CEP57L1: variants seen among roughly 807,000 people sequenced by gnomAD.
CEP57L1 encodes centrosomal protein 57 like 1, also known as centrosomal protein CEP57L1.
CEP57L1 carries 37 observed loss-of-function variants against 61.0 expected under a neutral mutation model. The observed-to-expected ratio is 0.61, with a 90% CI of 0.47 to 0.80. CEP57L1 has a LOEUF of 0.80. CEP57L1 is among the 30% of genes least tolerant of loss of function. CEP57L1 has a pLI of 0.00. For synonymous variants in CEP57L1, 137 were observed against 162.3 expected (o/e 0.84, Z 1.19); for missense variants, 422 against 524.7 (o/e 0.80, Z 1.91).
chr6:109,159,027 A>C lies in CEP57L1; in HGVS notation c.747A>C (p.Lys249Asn), dbSNP rs376905182. ...HSKEKKKSSKKTKCIKRRPPW... is the reference protein window; with the variant it reads ...HSKEKKKSSKNTKCIKRRPPW... ...GTTTTTTTCTTGCCAATCTCTAGAA[A>C]ACTAAATGTATAAAGAGACGACCAC... is the stretch of plus-strand genomic sequence containing the variant. Residue 249 changes from lysine to asparagine, a missense_variant and splice_region_variant, in exon 8 of 11, where the codon AAA becomes AAC. Physicochemically the swap from Lys to Asn is moderately conservative, Grantham distance 94 (BLOSUM62 0). Transcript: ENST00000517392. The C allele has an allele frequency of 7.9e-5, 127 of 1,602,958 alleles. No individual in the cohort carries two copies. The highest frequency in any genetic ancestry group is 1.1e-4 in the Non-Finnish European group (124 of 1,177,460).
chr6:109,110,551 T>G (rs1771481490), intron 1 of CEP57L1, among the ~76,000 whole-genome samples: 1 of 152,254 alleles, frequency 6.6e-6, no homozygotes, highest in Non-Finnish European at 1.5e-5. Flanking sequence ...CGTCAATTTT[T>G]GGCTTTTGTT....
chr6:109,158,768 CTG>C (rs1411341281), intron 7 of CEP57L1: 10 of 532,964 alleles, frequency 1.9e-5, no homozygotes, highest in Admixed American at 2.9e-5. Context: ...GTTATTGTCA[CTG>C]TTTTTTATTT....
In CEP57L1 at chr6:109,153,231, CTTTTTTT is replaced by C. The variant is rs34538762; in HGVS notation, c.463-580_463-574del. The stretch of plus-strand genomic sequence containing the variant: ...GCTAATATAACACATCTAATCTGCA[CTTTTTTT>C]TTTTTTTTTTTTTTTTTTTTTGAGA... On this transcript the variant is annotated intron_variant, in intron 4 of 10. Coordinates refer to ENST00000517392, the MANE Select transcript of CEP57L1 (RefSeq NM_001271852.3). 2.0e-3 allele frequency among the ~76,000 whole-genome samples: 156 copies of C among 79,002 alleles called. 2 individuals are homozygous for C. Among genetic ancestry groups the C allele is most frequent in the African/African-American group, 5.5e-3 (122 of 22,148 alleles). The allele number at this position is 79,002 out of a possible 152,430, so 51.8% of individuals were successfully genotyped here.
In CEP57L1 at chr6:109,159,153, T is replaced by C. The variant is rs372456144; in HGVS notation, c.822+51T>C. 3.2e-5 allele frequency: 51 copies of C among 1,613,860 alleles called. 1 individual carries two copies. The African/African-American group carries it at 4.5e-4, about 14-fold the overall frequency. ...TCGTTCAAAAAAACTCCTGTTTTGTTGTAAGTGCTATTTAAATATCTTCAG... is the reference window on the plus strand; with the variant it reads ...TCGTTCAAAAAAACTCCTGTTTTGTCGTAAGTGCTATTTAAATATCTTCAG... On this transcript the variant is annotated intron_variant, in intron 8 of 10. Transcript: ENST00000517392.
At chr6:109,103,122 A>G (rs1345862318) in intron 1 of CEP57L1, among the ~76,000 whole-genome samples, 1 of 152,228 alleles carries the variant, frequency 6.6e-6, no homozygotes, top group Non-Finnish European at 1.5e-5. Context: ...TTTCCACAAT[A>G]GTTTGACCCT....
At chr6:109,128,013 G>A (rs1222005633) in intron 1 of CEP57L1, among the ~76,000 whole-genome samples, 1 of 152,144 alleles carries the variant, frequency 6.6e-6, no homozygotes, top group Non-Finnish European at 1.5e-5. Context: ...GACAAAGGCA[G>A]TGAGTCTCAG....
At chr6:109,111,003 A>G (rs558897385) in intron 1 of CEP57L1, among the ~76,000 whole-genome samples, 3 of 152,210 alleles carry the variant, frequency 2.0e-5, no homozygotes, top group Non-Finnish European at 2.9e-5. Flanking sequence ...TGTCTTGGCT[A>G]TGCGGGCTCT....
At chr6:109,095,896 G>T (rs1379264912) in intron 1 of CEP57L1, among the ~76,000 whole-genome samples, 1 of 152,110 alleles carries the variant, frequency 6.6e-6, no homozygotes, top group Non-Finnish European at 1.5e-5. Context: ...GGGTGGATTT[G>T]GGATCTCCGC....
chr6:109,153,407 A>G (rs982480349), intron 4 of CEP57L1, among the ~76,000 whole-genome samples: 4 of 151,426 alleles, frequency 2.6e-5, no homozygotes, highest in Non-Finnish European at 5.9e-5. Context: ...CACCATGTCC[A>G]GCTGATTTTT....
chr6:109,165,530 C>T lies in CEP57L1; in HGVS notation c.*2560C>T, dbSNP rs2114980277. Reference sequence around the variant, plus strand: ...TTCTCACTTATTTTGGTTTTTATCTCTTTCTGTGTGCCTGAAGGGAAATGG... The same window carrying T: ...TTCTCACTTATTTTGGTTTTTATCTTTTTCTGTGTGCCTGAAGGGAAATGG... On this transcript the variant is annotated 3_prime_UTR_variant, in exon 11 of 11. Coordinates refer to ENST00000517392, the MANE Select transcript of CEP57L1 (RefSeq NM_001271852.3). 6.6e-6 allele frequency among the ~76,000 whole-genome samples: 1 copy of T among 152,018 alleles called. No individual in the cohort carries two copies. The highest frequency in any genetic ancestry group is 3.4e-3 in the Middle Eastern group (1 of 294).
intron 1 of CEP57L1, among the ~76,000 whole-genome samples, chr6:109,103,506 C>T (rs1272581204): frequency 6.6e-6 from 1 of 152,164 alleles, no homozygotes; most frequent in Non-Finnish European, 1.5e-5. Context: ...GAAACACTGT[C>T]ATACATACTA....
At position 109,171,972 on chromosome 6, in the gene CEP57L1, C is replaced by T. The variant is rs1270296542; in HGVS notation, c.*9002C>T. Among the ~76,000 whole-genome samples the T allele has an allele frequency of 1.3e-5, 2 of 151,846 alleles. No homozygotes were observed. Among genetic ancestry groups the T allele is most frequent in the African/African-American group, 4.8e-5 (2 of 41,310 alleles). On this transcript the variant is annotated 3_prime_UTR_variant, in exon 11 of 11. Transcript: ENST00000517392. ...CCTCAGTGTTTTATCTCGGGTGGTC[C>T]CCAAGACCACCTTCAGGATCAGTGA...
At chr6:109,134,394 G>T (rs1162909450) in intron 1 of CEP57L1, among the ~76,000 whole-genome samples, 2 of 152,086 alleles carry the variant, frequency 1.3e-5, no homozygotes, top group Non-Finnish European at 2.9e-5. Flanking sequence ...AATAAATTAG[G>T]TATTGATGGG....
At chr6:109,150,930 T>C (rs1018695071) in intron 4 of CEP57L1, among the ~76,000 whole-genome samples, 5 of 152,074 alleles carry the variant, frequency 3.3e-5, no homozygotes, top group Admixed American at 6.6e-5. Flanking sequence ...AAGAGAACAC[T>C]AAAGGACATC....
chr6:109,145,460 A>G, intron 2 of CEP57L1, 79 bp downstream of exon 2: 1 of 964,274 alleles, frequency 1.0e-6, no homozygotes, highest in Non-Finnish European at 1.5e-6. Flanking sequence ...ATACAATATG[A>G]TTGCATATTT....
At chr6:109,155,176 A>G (rs1583646934) in intron 5 of CEP57L1, 54 bp from the exon 6 acceptor site, 3 of 1,112,044 alleles carry the variant, frequency 2.7e-6, no homozygotes, top group Non-Finnish European at 3.9e-6. Context: ...AAAGAAACAA[A>G]TGATATTTGG....
rs747540529 is a variant in CEP57L1, at chr6:109,150,166, A to G, written c.389A>G (p.Glu130Gly). 17 of 1,609,196 alleles carry G rather than the reference A, an allele frequency of 1.1e-5. No individual in the cohort carries two copies. Among genetic ancestry groups the G allele is most frequent in the African/African-American group, 1.3e-5 (1 of 74,812 alleles). The change falls in exon 4 of 11, where the codon GAG becomes GGG. Residue 130 changes from glutamate (E) to glycine (G), a missense_variant. Glu to Gly is a moderately conservative substitution (Grantham distance 98). Transcript: ENST00000517392. The part of the protein sequence containing the change: ...SSAQSRCTLL[E>G]KQLEYTKRMV... ...GCCCAGTCTCGTTGTACTCTTCTAGAGAAGCAACTAGAATATACAAAGAGA... is the reference window on the plus strand; with the variant it reads ...GCCCAGTCTCGTTGTACTCTTCTAGGGAAGCAACTAGAATATACAAAGAGA...
chr6:109,107,646 A>G (rs1771094502), intron 1 of CEP57L1, among the ~76,000 whole-genome samples: 1 of 152,176 alleles, frequency 6.6e-6, no homozygotes, highest in African/African-American at 2.4e-5. Context: ...CTTCAGTAAA[A>G]GTTCATATTT....
intron 10 of CEP57L1, among the ~76,000 whole-genome samples, chr6:109,161,114 T>G: frequency 6.6e-6 from 1 of 152,118 alleles, no homozygotes; most frequent in Non-Finnish European, 1.5e-5. Context: ...GACATAAACC[T>G]GGCTCCCAAG....
Sources: gnomAD v4.1 joint callset for allele counts (sites outside exome capture counted in the v4.1 genomes callset) on GRCh38, gnomAD v4.1.1 for gene constraint, MANE v1.5 for transcripts, NCBI Gene and HGNC (gene_info 2026-07-23, HGNC 2026-07-21) for gene names.